Variants in CNTNAP4 observed in about 807,000 individuals in gnomAD.
The protein encoded by CNTNAP4 is contactin associated protein family member 4.
Under a neutral mutation model 148.4 loss-of-function variants are expected in CNTNAP4, and 98 were observed. The ratio of observed to expected loss-of-function variants is 0.66; its 90% CI spans 0.56 to 0.78. CNTNAP4 has a LOEUF of 0.78. Ranked by LOEUF, CNTNAP4 falls within the 30% of genes least tolerant of loss-of-function variation. CNTNAP4 has a pLI of 0.00. For missense variants in CNTNAP4, 1,935 were observed against 1,565.6 expected (o/e 1.24, Z -3.98); for synonymous variants, 730 against 565.1 (o/e 1.29, Z -4.14).
chr16:76,452,663 C>T lies in CNTNAP4; in HGVS notation c.1227C>T (p.Phe409=). The change falls in exon 8 of 24, where the codon TTC becomes TTT. Residue 409 remains phenylalanine (F), a synonymous_variant. Transcript: ENST00000611870. ...GGAATAAGGCAGGGCTTCTGCTGTT[C>T]AGTGAACTTCAGCTGATTTCAGGGG... ...RTWNKAGLLL[F]SELQLISGGI... 6.2e-7 allele frequency: 1 copy of T among 1,613,882 alleles called. No homozygotes were observed. Among genetic ancestry groups the T allele is most frequent in the Non-Finnish European group, 8.5e-7 (1 of 1,179,844 alleles).
intron 3 of CNTNAP4, among the ~76,000 whole-genome samples, chr16:76,381,128 C>T (rs1302577965): frequency 6.6e-6 from 1 of 152,176 alleles, no homozygotes; most frequent in Non-Finnish European, 1.5e-5. Context: ...TTCACACTAT[C>T]TTCCTCTAGA....
chr16:76,394,132 A>G (rs992870958), intron 3 of CNTNAP4, among the ~76,000 whole-genome samples: 3 of 152,218 alleles, frequency 2.0e-5, no homozygotes, highest in East Asian at 1.9e-4. Context: ...GGAAATGTGT[A>G]TCTTTAAAAA....
At chr16:76,480,357 A>G (rs2081779807) in intron 12 of CNTNAP4, among the ~76,000 whole-genome samples, 1 of 152,180 alleles carries the variant, frequency 6.6e-6, no homozygotes, top group Non-Finnish European at 1.5e-5. Flanking sequence ...TAGCATAAAA[A>G]CCTCAAACAC....
intron 3 of CNTNAP4, among the ~76,000 whole-genome samples, chr16:76,423,427 A>G (rs2079263459): frequency 6.6e-6 from 1 of 152,168 alleles, no homozygotes; most frequent in Non-Finnish European, 1.5e-5. Flanking sequence ...AAACACCTCA[A>G]GTAATGCTGA....
intron 4 of CNTNAP4, among the ~76,000 whole-genome samples, chr16:76,438,483 C>T (rs563768322): frequency 1.3e-5 from 2 of 152,024 alleles, no homozygotes; most frequent in African/African-American, 2.4e-5. Context: ...AGAAAGAAAT[C>T]CCACAAGAGT....
In CNTNAP4 at chr16:76,558,894, A is replaced by G; in HGVS notation, c.*211A>G. The G allele has an allele frequency of 7.3e-6, 3 of 410,560 alleles. No individual in the cohort carries two copies. 25.4% of individuals were successfully genotyped at this position (410,560 alleles called of 1,614,324 possible). A position where few individuals can be genotyped will look rare whatever the true frequency, so the allele number is the denominator to read the frequency against. ...CATTCTATGGAACAAGAAATTAGAT[A>G]TTGCTGTTAATTTTCAACTGTTCTG... On this transcript the variant is annotated 3_prime_UTR_variant, in exon 24 of 24. Transcript: ENST00000611870.
At chr16:76,532,816 A>T (rs1378039912) in intron 17 of CNTNAP4, among the ~76,000 whole-genome samples, 1 of 152,160 alleles carries the variant, frequency 6.6e-6, no homozygotes, top group African/African-American at 2.4e-5. Context: ...CACTGAGTTG[A>T]GTCAACAGAG....
In CNTNAP4 at chr16:76,341,472, C is replaced by G. The variant is rs575927438; in HGVS notation, c.197-13846C>G. Among the ~76,000 whole-genome samples the G allele has an allele frequency of 3.9e-5, 6 of 152,264 alleles. No homozygotes were observed. The South Asian group carries it at 1.0e-3, about 26-fold the overall frequency. ...AATGGAAATGACTTTGAAGGTTAAACTGACCAGATTTGGCAACTTCTATAC... is the reference window on the plus strand; with the variant it reads ...AATGGAAATGACTTTGAAGGTTAAAGTGACCAGATTTGGCAACTTCTATAC... On this transcript the variant is annotated intron_variant, in intron 2 of 23. Coordinates refer to ENST00000611870, the MANE Select transcript of CNTNAP4 (RefSeq NM_033401.5).
At chr16:76,305,991 T>C (rs1237899429) in intron 1 of CNTNAP4, among the ~76,000 whole-genome samples, 1 of 152,228 alleles carries the variant, frequency 6.6e-6, no homozygotes, top group African/African-American at 2.4e-5. Flanking sequence ...GAGATGATTT[T>C]ATTCTAGTTT....
chr16:76,308,741 C>A (rs1960769901), intron 1 of CNTNAP4, among the ~76,000 whole-genome samples: 1 of 152,198 alleles, frequency 6.6e-6, no homozygotes, highest in African/African-American at 2.4e-5. Flanking sequence ...TGCTACCAGG[C>A]AGTTAGGATG....
intron 3 of CNTNAP4, among the ~76,000 whole-genome samples, chr16:76,397,581 A>G (rs889367711): frequency 3.3e-5 from 5 of 152,024 alleles, no homozygotes; most frequent in Non-Finnish European, 4.4e-5. Context: ...CAACTGTTAC[A>G]TACCTAATGG....
intron 12 of CNTNAP4, among the ~76,000 whole-genome samples, chr16:76,481,523 T>G (rs1300515880): frequency 6.6e-6 from 1 of 152,118 alleles, no homozygotes; most frequent in Non-Finnish European, 1.5e-5. Flanking sequence ...CTATTTTTCT[T>G]TTTTTAAGTT....
chr16:76,355,200 TA>T (rs755851892), intron 2 of CNTNAP4, 117 bp from the exon 3 acceptor site: 2 of 568,028 alleles, frequency 3.5e-6, no homozygotes, highest in Middle Eastern at 5.0e-4. Flanking sequence ...AGAAGTTTCA[TA>T]TTTTGGATAT....
At chr16:76,389,157 G>A (rs1274632407) in intron 3 of CNTNAP4, among the ~76,000 whole-genome samples, 1 of 152,184 alleles carries the variant, frequency 6.6e-6, no homozygotes, top group African/African-American at 2.4e-5. Flanking sequence ...AAACTCAAAT[G>A]TTAGGAAATT....
chr16:76,432,216 G>T (rs2079637243), intron 4 of CNTNAP4, among the ~76,000 whole-genome samples: 1 of 152,132 alleles, frequency 6.6e-6, no homozygotes, highest in African/African-American at 2.4e-5. Flanking sequence ...ATACATGTTT[G>T]CTGAAGTCAT....
At chr16:76,288,503 C>T (rs573954316) in intron 1 of CNTNAP4, among the ~76,000 whole-genome samples, 1 of 152,234 alleles carries the variant, frequency 6.6e-6, no homozygotes, top group South Asian at 2.1e-4. Context: ...AATGTCTACC[C>T]AAAACAAGCC....
At chr16:76,424,518 C>T (rs2079309301) in intron 3 of CNTNAP4, among the ~76,000 whole-genome samples, 1 of 152,128 alleles carries the variant, frequency 6.6e-6, no homozygotes, top group African/African-American at 2.4e-5. Flanking sequence ...CCTTGAGAGG[C>T]CGAGGCGGGC....
rs183479256 is a variant in CNTNAP4 at position 76,450,016 on chromosome 16, C to G, written c.1071+158C>G. Among the ~76,000 whole-genome samples the G allele has an allele frequency of 7.5e-4, 114 of 152,088 alleles. 1 individual carries two copies. The South Asian group carries it at 0.013, about 17-fold the overall frequency. ...GCAATATGCATATAAAAGATTGGTTCTATCTGAAGGAATTATAATTTTGGG... is the reference window on the plus strand; with the variant it reads ...GCAATATGCATATAAAAGATTGGTTGTATCTGAAGGAATTATAATTTTGGG... On this transcript the variant is annotated intron_variant, in intron 7 of 23. Transcript: ENST00000611870.
At chr16:76,457,923 G>C (rs975115984) in intron 8 of CNTNAP4, among the ~76,000 whole-genome samples, 3 of 151,992 alleles carry the variant, frequency 2.0e-5, no homozygotes, top group African/African-American at 7.3e-5. Context: ...GTACCTGATA[G>C]GTAGTTTTTA....
Sources: allele counts gnomAD v4.1 joint callset (sites outside exome capture counted in the v4.1 genomes callset), GRCh38; gene constraint gnomAD v4.1.1; transcripts MANE v1.5; gene names NCBI Gene and HGNC (gene_info 2026-07-23, HGNC 2026-07-21).